WDR3: variants seen among roughly 807,000 people sequenced by gnomAD.
WDR3 encodes WD repeat domain 3.
In WDR3, 81 loss-of-function variants were observed where a neutral mutation model predicts 123.7. The observed-to-expected ratio is 0.65, with a 90% CI of 0.55 to 0.79. The LOEUF is 0.79. Ranked by LOEUF, WDR3 falls within the 30% of genes least tolerant of loss-of-function variation. WDR3 has a pLI of 0.00. For synonymous variants in WDR3, 390 were observed against 388.8 expected, an observed-to-expected ratio of 1.00 and a Z score of -0.04; for missense variants, 1,027 against 1,123.2, an observed-to-expected ratio of 0.91 and a Z score of 1.22.
In WDR3 at chr1:117,955,355, C is replaced by T. The variant is rs760770670; in HGVS notation, c.2450C>T (p.Ser817Leu). 23 of 1,611,622 alleles carry T rather than the reference C, an allele frequency of 1.4e-5. No individual in the cohort carries two copies. Among genetic ancestry groups the T allele is most frequent in the Middle Eastern group, 1.6e-4 (1 of 6,078 alleles). Reference sequence around the variant, plus strand: ...TTAGAGATTTTTAAAGGGATCAAGTCGAGGTGAGTGAGTCCTTGCGCACAA... The same window carrying T: ...TTAGAGATTTTTAAAGGGATCAAGTTGAGGTGAGTGAGTCCTTGCGCACAA... ...YVLEIFKGIK[S>L]SELEESLLVL... The change falls in exon 24 of 27, where the codon TCG becomes TTG. Residue 817 changes from serine to leucine, a missense_variant. Transcript: ENST00000349139.
intron 6 of WDR3, 67 bp from the exon 7 acceptor site, chr1:117,940,760 C>A: frequency 2.2e-6 from 3 of 1,390,284 alleles, no homozygotes; most frequent in Non-Finnish European, 3.0e-6. Context: ...AAAACAACAA[C>A]AACAACAACA....
Position 117,943,486 on chromosome 1 carries a change from A to G in WDR3, c.1188A>G (p.Pro396=). The G allele has an allele frequency of 1.2e-6, 2 of 1,614,122 alleles. No individual in the cohort carries two copies. The highest frequency in any genetic ancestry group is 1.7e-6 in the Non-Finnish European group (2 of 1,180,028). Residue 396 remains proline, a synonymous_variant, in exon 11 of 27, where the codon CCA becomes CCG. Transcript: ENST00000349139. The stretch of plus-strand genomic sequence containing the variant: ...TGGTGGAATTGTATTCACTGAATCC[A>G]TCCTTGCCTACTCCTCAGCCTGTCA... The part of the protein sequence containing the change: ...NNLVELYSLN[P]SLPTPQPVRT...
Position 117,940,872 on chromosome 1 carries a change from TCTC to T in WDR3, c.724_726del (p.Pro242del). On this transcript the variant is annotated inframe_deletion, in exon 7 of 27. Coordinates refer to ENST00000349139, the MANE Select transcript of WDR3 (RefSeq NM_006784.3). ...AGACCCCAAGAAAATCAAAGGATCTTCTCCTGGAATACAAGATACTCTTGAGGC... is the reference window on the plus strand; with the variant it reads ...AGACCCCAAGAAAATCAAAGGATCTTCTGGAATACAAGATACTCTTGAGGC... The T allele has an allele frequency of 4.3e-6, 7 of 1,614,010 alleles. No individual in the cohort carries two copies. Among genetic ancestry groups the T allele is most frequent in the Non-Finnish European group, 5.9e-6 (7 of 1,179,980 alleles).
At chr1:117,954,705 A>G (rs1651909832) in intron 23 of WDR3, 78 bp downstream of exon 23, 1 of 1,416,092 alleles carries the variant, frequency 7.1e-7, no homozygotes. Flanking sequence ...TAGAGGCATT[A>G]TGATTTGGGG....
chr1:117,946,667 C>T (rs775317537), intron 12 of WDR3, among the ~76,000 whole-genome samples: 3 of 151,942 alleles, frequency 2.0e-5, no homozygotes, highest in African/African-American at 2.4e-5. Context: ...TTGGGCCGGG[C>T]GCAGTGGCTC....
chr1:117,940,395 G>T (rs1216638011), intron 6 of WDR3, among the ~76,000 whole-genome samples: 1 of 152,084 alleles, frequency 6.6e-6, no homozygotes, highest in Non-Finnish European at 1.5e-5. Context: ...GCTGTTATTG[G>T]CCATAAGAAA....
At chr1:117,948,353 T>A in intron 12 of WDR3, 52 bp from the exon 13 acceptor site, 3 of 1,504,730 alleles carry the variant, frequency 2.0e-6, no homozygotes, top group Non-Finnish European at 2.8e-6. Context: ...TCATGAATCA[T>A]GGAGGTTGTA....
At chr1:117,930,484 T>C (rs1198481387) in intron 1 of WDR3, among the ~76,000 whole-genome samples, 1 of 152,196 alleles carries the variant, frequency 6.6e-6, no homozygotes, top group African/African-American at 2.4e-5. Context: ...GAAGGTTTAT[T>C]CGAGAAATAC....
At chr1:117,958,163 G>T (rs1021349363) in intron 25 of WDR3, among the ~76,000 whole-genome samples, 11 of 152,152 alleles carry the variant, frequency 7.2e-5, no homozygotes, top group Non-Finnish European at 1.5e-4. Flanking sequence ...ACAGGTATAT[G>T]TAGTGAACTG....
At position 117,953,093 on chromosome 1, in the gene WDR3, G is replaced by C. The variant is rs1651705029; in HGVS notation, c.2202+97G>C. On this transcript the variant is annotated intron_variant, in intron 20 of 26. Transcript: ENST00000349139. ...CAGAATTTCTAATAGAATTAAAATT[G>C]AGGCTAGAAGTTGCAGGTATCACCA... 2.2e-6 allele frequency: 3 copies of C among 1,387,180 alleles called. No individual in the cohort carries two copies. The East Asian group carries it at 7.1e-5, about 33-fold the overall frequency. The allele number at this position is 1,387,180 out of a possible 1,614,324, so 85.9% of individuals were successfully genotyped here.
chr1:117,948,938 T>C (rs1651505379), intron 13 of WDR3, among the ~76,000 whole-genome samples: 1 of 152,174 alleles, frequency 6.6e-6, no homozygotes, highest in Admixed American at 6.5e-5. Flanking sequence ...CTGGCAAAAG[T>C]ATGCTTATTC....
chr1:117,932,034 T>G (rs1650750564), intron 1 of WDR3, among the ~76,000 whole-genome samples: 1 of 152,176 alleles, frequency 6.6e-6, no homozygotes. Flanking sequence ...AGACTGTAAC[T>G]TCTTTATTTT....
At chr1:117,946,052 TTAACA>T (rs751597021) in intron 11 of WDR3, 29 bp from the exon 12 acceptor site, 1 of 1,556,450 alleles carries the variant, frequency 6.4e-7, no homozygotes, top group South Asian at 1.2e-5. Context: ...GCAGATTCTC[TTAACA>T]TGAGTTCTTT....
intron 25 of WDR3, among the ~76,000 whole-genome samples, chr1:117,958,429 C>G (rs1231385368): frequency 6.6e-6 from 1 of 152,114 alleles, no homozygotes; most frequent in Non-Finnish European, 1.5e-5. Flanking sequence ...TATAGCGTAT[C>G]AGAGGCTTAT....
intron 12 of WDR3, among the ~76,000 whole-genome samples, chr1:117,946,890 G>A (rs1250532965): frequency 1.4e-5 from 2 of 139,674 alleles, no homozygotes; most frequent in African/African-American, 5.4e-5. Flanking sequence ...GCAGTGAGCC[G>A]AGATAGTACC....
chr1:117,943,745 A>G, intron 11 of WDR3, 119 bp downstream of exon 11: 1 of 872,282 alleles, frequency 1.1e-6, no homozygotes, highest in East Asian at 2.7e-5. Flanking sequence ...TCTTTAGTGC[A>G]TTTGGGCCAT....
Position 117,962,678 on chromosome 1 carries a change from G to A in WDR3, c.*3231G>A, listed in dbSNP as rs1452408590. 1 of 152,182 alleles carries A rather than the reference G, an allele frequency of 6.6e-6. No individual in the cohort carries two copies. The highest frequency in any genetic ancestry group is 1.5e-5 in the Non-Finnish European group (1 of 68,038). 9.4% of individuals were successfully genotyped at this position (152,182 alleles called of 1,614,324 possible). ...TTGAAATTCACTGGCTGGAAGCTAG[G>A]TGCTTTGTATATTTGGTATTAAATT... is the stretch of plus-strand genomic sequence containing the variant. On this transcript the variant is annotated 3_prime_UTR_variant, in exon 27 of 27. Coordinates refer to ENST00000349139, the MANE Select transcript of WDR3 (RefSeq NM_006784.3).
chr1:117,944,894 G>A (rs1229590339), intron 11 of WDR3, among the ~76,000 whole-genome samples: 1 of 152,008 alleles, frequency 6.6e-6, no homozygotes, highest in Non-Finnish European at 1.5e-5. Flanking sequence ...TAGAGACAGA[G>A]TTTTACCATG....
At chr1:117,936,167 T>G (rs188036347) in intron 3 of WDR3, among the ~76,000 whole-genome samples, 3 of 152,208 alleles carry the variant, frequency 2.0e-5, no homozygotes, top group Admixed American at 2.0e-4. Flanking sequence ...GTCATACATA[T>G]CCCTGCTGGT....
Sources: allele counts gnomAD v4.1 joint callset (sites outside exome capture counted in the v4.1 genomes callset), GRCh38; gene constraint gnomAD v4.1.1; transcripts MANE v1.5; gene names NCBI Gene and HGNC (gene_info 2026-07-23, HGNC 2026-07-21).